The following TGFBI variants were observed in gnomAD, a reference collection of about 807,000 sequenced individuals.
TGFBI encodes the protein transforming growth factor beta induced, also known as transforming growth factor-beta-induced protein ig-h3.
Under a neutral mutation model 73.7 loss-of-function variants are expected in TGFBI, and 50 were observed. The ratio of observed to expected loss-of-function variants is 0.68; its 90% CI spans 0.54 to 0.86. The LOEUF is 0.86. TGFBI is among the 40% of genes least tolerant of loss of function. The pLI is 0.00. For missense variants in TGFBI, 839 were observed against 877.0 expected (o/e 0.96, Z 0.55); for synonymous variants, 362 against 360.5 (o/e 1.00, Z -0.05).
Position 136,029,055 on chromosome 5 carries a change from C to T in TGFBI, c.-1C>T. 1 of 1,527,390 alleles carries T rather than the reference C, an allele frequency of 6.5e-7. No homozygotes were observed. Among genetic ancestry groups the T allele is most frequent in the Non-Finnish European group, 8.7e-7 (1 of 1,144,090 alleles). 94.6% of individuals were successfully genotyped at this position (1,527,390 alleles called of 1,614,324 possible). A position where few individuals can be genotyped will look rare whatever the true frequency, so the allele number is the denominator to read the frequency against. ...TCGCTCGGTGCGCGTCGTCCCGCTC[C>T]ATGGCGCTCTTCGTGCGGCTGCTGG... On this transcript the variant is annotated 5_prime_UTR_variant, in exon 1 of 17. Coordinates refer to ENST00000442011, the MANE Select transcript of TGFBI (RefSeq NM_000358.3).
chr5:136,056,554 A>G, intron 11 of TGFBI, 111 bp from the exon 12 acceptor site: 1 of 1,437,764 alleles, frequency 7.0e-7, no homozygotes, highest in Non-Finnish European at 9.6e-7. Context: ...AGTGGCCTGG[A>G]CTCTACTATC....
Position 136,055,740 on chromosome 5 carries a change from C to T in TGFBI, c.1471C>T (p.Leu491=). The part of the protein sequence containing the change: ...AHDKRGRYGT[L]FTMDRVLTPP... ...CGACAAGAGGGGGAGGTACGGGACC[C>T]TGTTCACGATGGACCGGGTGCTGAC... The change falls in exon 11 of 17, where the codon CTG becomes TTG. Residue 491 remains leucine (L), a synonymous_variant. Coordinates refer to ENST00000442011, the MANE Select transcript of TGFBI (RefSeq NM_000358.3). The T allele has an allele frequency of 6.2e-7, 1 of 1,612,766 alleles. No individual in the cohort carries two copies. The highest frequency in any genetic ancestry group is 1.1e-5 in the South Asian group (1 of 90,896).
intron 12 of TGFBI, among the ~76,000 whole-genome samples, chr5:136,057,131 G>A (rs1241738883): frequency 3.3e-5 from 5 of 152,130 alleles, no homozygotes; most frequent in Admixed American, 3.3e-4. Flanking sequence ...ACCACTCAGC[G>A]CCCCAGCCTC....
At chr5:136,031,786 T>G (rs1341236817) in intron 1 of TGFBI, among the ~76,000 whole-genome samples, 1 of 152,200 alleles carries the variant, frequency 6.6e-6, no homozygotes, top group African/African-American at 2.4e-5. Flanking sequence ...AGCAACTTGC[T>G]CATTTCAATT....
chr5:136,054,565 A>T (rs887467216), intron 9 of TGFBI, 151 bp from the exon 10 acceptor site: 1 of 1,005,560 alleles, frequency 9.9e-7, no homozygotes, highest in African/African-American at 1.6e-5. Flanking sequence ...AAGATACCAG[A>T]TGTTAAGGAA....
intron 8 of TGFBI, 51 bp downstream of exon 8, chr5:136,053,170 T>C: frequency 6.4e-7 from 1 of 1,555,334 alleles, no homozygotes; most frequent in Non-Finnish European, 8.8e-7. Flanking sequence ...CCATCTCTTC[T>C]GCCATCCTTT....
intron 14 of TGFBI, 142 bp downstream of exon 14, chr5:136,061,078 A>G (rs1751738750): frequency 1.5e-6 from 1 of 657,598 alleles, no homozygotes; most frequent in Non-Finnish European, 2.6e-6. Context: ...GACTGATTGC[A>G]GAGTGAATTG....
In TGFBI at chr5:136,052,070, TG is replaced by T. The variant is rs113621587; in HGVS notation, c.914-829del. ...CCAGGCCACCTGCTCAGCCTGGGGT[TG>T]GGGGGGGCTCCTCCTCCTTGACTGG... On this transcript the variant is annotated intron_variant, in intron 7 of 16. Coordinates refer to ENST00000442011, the MANE Select transcript of TGFBI (RefSeq NM_000358.3). Among the ~76,000 whole-genome samples, 278 of 151,802 alleles carry T rather than the reference TG, an allele frequency of 1.8e-3. 3 individuals carry two copies. Among genetic ancestry groups the T allele is most frequent in the East Asian group, 0.015 (78 of 5,168 alleles).
intron 1 of TGFBI, among the ~76,000 whole-genome samples, chr5:136,033,315 A>G (rs1370727919): frequency 1.3e-5 from 2 of 152,150 alleles, no homozygotes; most frequent in African/African-American, 4.8e-5. Context: ...AGCATCCCCT[A>G]TCAGGGTCCT....
chr5:136,035,651 A>G (rs917556023), intron 2 of TGFBI, among the ~76,000 whole-genome samples: 2 of 151,858 alleles, frequency 1.3e-5, no homozygotes, highest in African/African-American at 4.8e-5. Context: ...AAAGAAAAGA[A>G]AACCTTTAGT....
chr5:136,046,172 A>G, intron 3 of TGFBI, 163 bp from the exon 4 acceptor site: 1 of 694,538 alleles, frequency 1.4e-6, no homozygotes, highest in African/African-American at 1.8e-5. Context: ...AGAAGACTAT[A>G]ACAAGCCTTA....
chr5:136,044,226 G>A, intron 3 of TGFBI, 104 bp downstream of exon 3: 1 of 970,744 alleles, frequency 1.0e-6, no homozygotes, highest in Non-Finnish European at 1.6e-6. Flanking sequence ...GGGGGCAGTG[G>A]CACAAGGACA....
intron 2 of TGFBI, among the ~76,000 whole-genome samples, chr5:136,042,113 A>C (rs1989972): frequency 0.54 from 82,614 of 152,050 alleles, 23,449 homozygotes; most frequent in African/African-American, 0.71. Flanking sequence ...ATCCCACATC[A>C]CAGCCCCAGT....
chr5:136,059,730 CT>C (rs1371248647), intron 13 of TGFBI, among the ~76,000 whole-genome samples: 1 of 152,212 alleles, frequency 6.6e-6, no homozygotes, highest in Non-Finnish European at 1.5e-5. Flanking sequence ...AGAAATCTCC[CT>C]GGCTGCACCT....
At chr5:136,050,453 G>A (rs1229284271) in intron 7 of TGFBI, among the ~76,000 whole-genome samples, 1 of 152,164 alleles carries the variant, frequency 6.6e-6, no homozygotes, top group African/African-American at 2.4e-5. Flanking sequence ...CTGCAGGAGA[G>A]GGAAGGAAGG....
intron 10 of TGFBI, 56 bp downstream of exon 10, chr5:136,054,917 A>G (rs1751601436): frequency 6.4e-7 from 1 of 1,569,572 alleles, no homozygotes; most frequent in Non-Finnish European, 8.6e-7. Flanking sequence ...TGGGACTTGT[A>G]TTAGTGTAAA....
chr5:136,040,009 A>G (rs1751301828), intron 2 of TGFBI, among the ~76,000 whole-genome samples: 1 of 152,236 alleles, frequency 6.6e-6, no homozygotes, highest in Admixed American at 6.5e-5. Flanking sequence ...CTACAGGGCC[A>G]TTCCTTGTTC....
intron 12 of TGFBI, among the ~76,000 whole-genome samples, chr5:136,058,258 A>G (rs570693842): frequency 6.6e-6 from 1 of 152,314 alleles, no homozygotes; most frequent in East Asian, 1.9e-4. Flanking sequence ...CTCCAAAATA[A>G]GTTAAAACTT....
intron 1 of TGFBI, among the ~76,000 whole-genome samples, chr5:136,032,203 G>A (rs930184845): frequency 6.6e-6 from 1 of 152,186 alleles, no homozygotes; most frequent in Non-Finnish European, 1.5e-5. Flanking sequence ...TAGGACTAGG[G>A]AGGCATGGGC....
Sources: allele counts gnomAD v4.1 joint callset (sites outside exome capture counted in the v4.1 genomes callset), GRCh38; gene constraint gnomAD v4.1.1; transcripts MANE v1.5; gene names NCBI Gene and HGNC (gene_info 2026-07-23, HGNC 2026-07-21).